Variants in HERC4 observed in about 807,000 individuals in gnomAD.
The protein encoded by HERC4 is probable E3 ubiquitin-protein ligase HERC4.
HERC4 carries 28 observed loss-of-function variants against 124.3 expected under a neutral mutation model. That is an observed-to-expected ratio of 0.23 (90% confidence interval 0.17 to 0.31). HERC4 has a LOEUF of 0.31. Among genes scored for constraint, HERC4 ranks in the 10% least tolerant of loss-of-function variants. The pLI is 1.00. For synonymous variants in HERC4, 407 were observed against 421.5 expected (o/e 0.97, Z 0.42); for missense variants, 713 against 1,229.3 (o/e 0.58, Z 6.28).
At chr10:67,960,236 G>T (rs778156892) in intron 16 of HERC4, among the ~76,000 whole-genome samples, 1 of 152,202 alleles carries the variant, frequency 6.6e-6, no homozygotes, top group East Asian at 1.9e-4. Context: ...ACACATCTAT[G>T]CCAGGAAAGT....
chr10:67,922,874 G>A lies in HERC4; in HGVS notation c.*57C>T, dbSNP rs14840. 8.1e-7 allele frequency: 1 copy of A among 1,240,662 alleles called. No individual in the cohort carries two copies. Among genetic ancestry groups the A allele is most frequent in the South Asian group, 1.4e-5 (1 of 69,452 alleles). The allele number at this position is 1,240,662 out of a possible 1,614,324, so 76.9% of individuals were successfully genotyped here. A position where few individuals can be genotyped will look rare whatever the true frequency, so the allele number is the denominator to read the frequency against. On this transcript the variant is annotated 3_prime_UTR_variant, in exon 25 of 25. Coordinates refer to ENST00000373700, the MANE Select transcript of HERC4 (RefSeq NM_015601.4). ...CACCTTGCTGAATTCATCACCACAAGAAAAACACAAATAGTTTAATGCTTT... is the reference window on the plus strand; with the variant it reads ...CACCTTGCTGAATTCATCACCACAAAAAAAACACAAATAGTTTAATGCTTT...
rs2037907036 is a variant in HERC4 at position 68,010,845 on chromosome 10, G to A, written c.1069+3181C>T. ...TTCAGGAGCTTGGCAAATTGCTCAA[G>A]TTCTTTCTGCAGAGCTTTGAGATGT... is the stretch of plus-strand genomic sequence containing the variant. On this transcript the variant is annotated intron_variant, in intron 9 of 24. Coordinates refer to ENST00000373700, the MANE Select transcript of HERC4 (RefSeq NM_015601.4). 3.3e-6 allele frequency: 5 copies of A among 1,532,724 alleles called. No homozygotes were observed. In the Admixed American group the frequency reaches 8.5e-5, roughly 26 times the overall value. The allele number at this position is 1,532,724 out of a possible 1,614,324, so 94.9% of individuals were successfully genotyped here.
At position 67,960,503 on chromosome 10, in the gene HERC4, A is replaced by C. The variant is rs1161164388; in HGVS notation, c.1927-3527T>G. Among the ~76,000 whole-genome samples the C allele has an allele frequency of 5.9e-5, 9 of 152,056 alleles. No homozygotes were observed. The East Asian group carries it at 1.7e-3, about 29-fold the overall frequency. ...TGGGTTCAAGCGATTCTCCTGCCTCAGCCTCCCGAGTAGCTGGGATTATAG... is the reference window on the plus strand; with the variant it reads ...TGGGTTCAAGCGATTCTCCTGCCTCCGCCTCCCGAGTAGCTGGGATTATAG... On this transcript the variant is annotated intron_variant, in intron 16 of 24. Coordinates refer to ENST00000373700, the MANE Select transcript of HERC4 (RefSeq NM_015601.4).
rs1286768826 is a variant in HERC4 at position 68,059,763 on chromosome 10, CATA to C, written c.226+13117_226+13119del. Among the ~76,000 whole-genome samples the C allele has an allele frequency of 3.0e-4, 18 of 59,942 alleles. 3 individuals carry two copies. The East Asian group carries it at 4.0e-3, about 13-fold the overall frequency. The allele number at this position is 59,942 out of a possible 152,430, so 39.3% of individuals were successfully genotyped here. The stretch of plus-strand genomic sequence containing the variant: ...TATTATATATTATAATATTATATAT[CATA>C]ATATTATATATTATAATATTATATA... On this transcript the variant is annotated intron_variant, in intron 3 of 24. Coordinates refer to ENST00000373700, the MANE Select transcript of HERC4 (RefSeq NM_015601.4).
At chr10:67,944,088 G>C (rs978009314) in intron 19 of HERC4, among the ~76,000 whole-genome samples, 2 of 152,224 alleles carry the variant, frequency 1.3e-5, no homozygotes, top group Non-Finnish European at 2.9e-5. Context: ...CAGAGCCCTA[G>C]GGCCTTAAGC....
chr10:67,981,676 GCCAGGCATGGTGGTTCACACCGGGTAATC>G (rs2035937655), intron 15 of HERC4, among the ~76,000 whole-genome samples: 1 of 152,260 alleles, frequency 6.6e-6, no homozygotes, highest in South Asian at 2.1e-4. Context: ...ACTGAAATAG[GCCAGGCATGGTGGTTCACACCGGGTAATC>G]CCAGCACTTT....
chr10:68,066,367 C>G lies in HERC4; in HGVS notation c.226+6516G>C, dbSNP rs1273690016. Among the ~76,000 whole-genome samples the G allele has an allele frequency of 2.0e-5, 3 of 152,224 alleles. No homozygotes were observed. In the East Asian group the frequency reaches 5.8e-4, roughly 29 times the overall value. On this transcript the variant is annotated intron_variant, in intron 3 of 24. Transcript: ENST00000373700. ...TCTGCAACAAGAATCTGCTAAGTAC[C>G]CAAATTGTAAAACCAAATCTACCAC...
At chr10:68,022,755 C>T (rs1361892586) in intron 8 of HERC4, among the ~76,000 whole-genome samples, 1 of 151,648 alleles carries the variant, frequency 6.6e-6, no homozygotes, top group Non-Finnish European at 1.5e-5. Context: ...ATACAACCCA[C>T]AGAATGAAAG....
intron 15 of HERC4, among the ~76,000 whole-genome samples, chr10:67,970,935 C>T (rs2035197275): frequency 6.6e-6 from 1 of 151,470 alleles, no homozygotes; most frequent in East Asian, 1.9e-4. Flanking sequence ...AACAGAAAAA[C>T]ACTAGAGAAG....
intron 9 of HERC4, among the ~76,000 whole-genome samples, chr10:67,998,102 T>G (rs900217875): frequency 2.0e-5 from 3 of 151,890 alleles, no homozygotes; most frequent in Admixed American, 1.3e-4. Context: ...TTCCACCATG[T>G]TGGCCAGGAT....
intron 8 of HERC4, among the ~76,000 whole-genome samples, chr10:68,021,808 C>CAAATAAAT (rs548442420): frequency 6.6e-6 from 1 of 150,694 alleles, no homozygotes; most frequent in Non-Finnish European, 1.5e-5. Flanking sequence ...AACTCCACCT[C>CAAATAAAT]AAATAAATAA....
Position 68,014,035 on chromosome 10 carries a change from G to C in HERC4, c.1060C>G (p.Pro354Ala), listed in dbSNP as rs750906843. ...NWYPYNGQCLPDIDSEEYFCV... is the reference protein window; with the variant it reads ...NWYPYNGQCLADIDSEEYFCV... The stretch of plus-strand genomic sequence containing the variant: ...ATATGACAGAACTTACCAATATCTG[G>C]TAGACACTGCCCATTATAGGGGTAC... The change falls in exon 9 of 25, where the codon CCA (proline) becomes GCA (alanine). Residue 354 changes from proline (P) to alanine (A), a missense_variant. Physicochemically the swap from Pro to Ala is conservative, Grantham distance 27. Coordinates refer to ENST00000373700, the MANE Select transcript of HERC4 (RefSeq NM_015601.4). 2 of 1,603,364 alleles carry C rather than the reference G, an allele frequency of 1.2e-6. No homozygotes were observed. The highest frequency in any genetic ancestry group is 1.1e-5 in the South Asian group (1 of 88,836).
chr10:68,036,095 A>G (rs2133388531), intron 5 of HERC4, among the ~76,000 whole-genome samples: 1 of 152,034 alleles, frequency 6.6e-6, no homozygotes, highest in South Asian at 2.1e-4. Context: ...CGGGAGGATC[A>G]CCAGGTCAGG....
At chr10:68,020,687 T>C (rs1367629129) in intron 8 of HERC4, among the ~76,000 whole-genome samples, 1 of 148,530 alleles carries the variant, frequency 6.7e-6, no homozygotes, top group Admixed American at 6.8e-5. Context: ...GAGAATGGCG[T>C]GAACCCGGGA....
At position 68,059,657 on chromosome 10, in the gene HERC4, CATAT is replaced by C. The variant is rs1262803739; in HGVS notation, c.226+13222_226+13225del. 5.4e-5 allele frequency among the ~76,000 whole-genome samples: 2 copies of C among 36,872 alleles called. 1 individual carries two copies. The highest frequency in any genetic ancestry group is 4.9e-4 in the African/African-American group (2 of 4,092). The allele number at this position is 36,872 out of a possible 152,430, so 24.2% of individuals were successfully genotyped here. A position where few individuals can be genotyped will look rare whatever the true frequency, so the allele number is the denominator to read the frequency against. On this transcript the variant is annotated intron_variant, in intron 3 of 24. Coordinates refer to ENST00000373700, the MANE Select transcript of HERC4 (RefSeq NM_015601.4). ...TAATATTATATATTATATTATATAT[CATAT>C]TATATATTATATTATATATCATAAT... is the stretch of plus-strand genomic sequence containing the variant.
chr10:67,977,094 C>T (rs1167026049), intron 15 of HERC4, among the ~76,000 whole-genome samples: 1 of 152,208 alleles, frequency 6.6e-6, no homozygotes, highest in African/African-American at 2.4e-5. Flanking sequence ...ACTGCTGGCA[C>T]TACCCCTCCT....
intron 4 of HERC4, chr10:68,039,816 T>C (rs186223785): frequency 2.8e-6 from 3 of 1,070,878 alleles, no homozygotes; most frequent in Non-Finnish European, 3.4e-6. Context: ...AGGCAGATGA[T>C]ACATTGACCT....
At chr10:68,070,309 T>C in intron 3 of HERC4, 1 of 958,668 alleles carries the variant, frequency 1.0e-6, no homozygotes, top group Non-Finnish European at 1.2e-6. Flanking sequence ...AAAAACATTA[T>C]TTAAAAAACA....
chr10:68,000,617 A>G (rs1434774682), intron 9 of HERC4, among the ~76,000 whole-genome samples: 1 of 152,036 alleles, frequency 6.6e-6, no homozygotes, highest in Non-Finnish European at 1.5e-5. Flanking sequence ...CTAATCCCCA[A>G]TATCTCAGAA....
Sources: allele counts gnomAD v4.1 joint callset (sites outside exome capture counted in the v4.1 genomes callset), GRCh38; gene constraint gnomAD v4.1.1; transcripts MANE v1.5; gene names NCBI Gene and HGNC (gene_info 2026-07-23, HGNC 2026-07-21).